TGIF1: variants seen among roughly 807,000 people sequenced by gnomAD.
The protein encoded by TGIF1 is TGFB induced factor homeobox 1.
Under a neutral mutation model 19.3 loss-of-function variants are expected in TGIF1, and 4 were observed. That is an observed-to-expected ratio of 0.21 (90% CI 0.10 to 0.47). The LOEUF (loss-of-function observed/expected upper bound fraction) is 0.47. Among genes scored for constraint, TGIF1 ranks in the 20% least tolerant of loss-of-function variants. The probability of loss-of-function intolerance (pLI) is 0.98; values close to 1 mark genes in which losing one functional copy is unlikely to be tolerated. For synonymous variants in TGIF1, 122 were observed against 129.3 expected, an observed-to-expected ratio of 0.94 and a Z score of 0.38; for missense variants, 275 against 341.4, an observed-to-expected ratio of 0.81 and a Z score of 1.53.
In TGIF1 at chr18:3,457,573, C is replaced by T. The variant is rs1241114721; in HGVS notation, c.452C>T (p.Thr151Ile). 5.0e-6 allele frequency: 8 copies of T among 1,614,028 alleles called. No individual in the cohort carries two copies. Among genetic ancestry groups the T allele is most frequent in the Non-Finnish European group, 6.8e-6 (8 of 1,180,024 alleles). ...TCCTGTACAGCTGGGCCAAACCCAA[C>T]CCTAGGGAGGCCACTGTCTCCTAAG... The part of the protein sequence containing the change: ...FHSCTAGPNP[T>I]LGRPLSPKPS... Residue 151 changes from threonine to isoleucine, a missense_variant, in exon 3 of 3, where the codon ACC becomes ATC. Coordinates refer to ENST00000343820, the MANE Select transcript of TGIF1 (RefSeq NM_003244.4). The surrounding 1 kb of genome is among the most constrained non-coding windows in gnomAD (Gnocchi z 4.9).
In TGIF1 at chr18:3,456,595, C is replaced by T. The variant is rs201134214; in HGVS notation, c.243+15C>T. The T allele has an allele frequency of 1.4e-5, 23 of 1,611,422 alleles. No individual in the cohort carries two copies. The African/African-American group carries it at 2.1e-4, about 15-fold the overall frequency. ...CTACGCTACAGGTAAAGAAAGAGAG[C>T]GTGAGGTTTATGGATGCATTTTTAG... On this transcript the variant is annotated intron_variant, in intron 2 of 2. Transcript: ENST00000343820. The surrounding 1 kb of genome is among the most constrained non-coding windows in gnomAD (Gnocchi z 4.2).
chr18:3,438,905 T>C (rs1243231039), intron 2 of TGIF1, among the ~76,000 whole-genome samples: 1 of 152,090 alleles, frequency 6.6e-6, no homozygotes, highest in Non-Finnish European at 1.5e-5. Flanking sequence ...AAAAATAAAA[T>C]GGAATTGTTC....
upstream of TGIF1, chr18:3,449,891 G>A: frequency 1.0e-6 from 1 of 985,746 alleles, no homozygotes; most frequent in Non-Finnish European, 1.2e-6. Context: ...AGGCCCAAGG[G>A]AGAAACCTGG....
In TGIF1 at chr18:3,456,015, A is replaced by C; in HGVS notation, c.17-339A>C. On this transcript the variant is annotated intron_variant, in intron 1 of 2. Transcript: ENST00000343820. This position sits in a 1 kb window ranked among gnomAD's most constrained non-coding sequence, Gnocchi z 4.2. ...ACTGCCACAGCACCCTTCCTGTTTCAAATGTGGCAGGTTATTCATTTTGGG... is the reference window on the plus strand; with the variant it reads ...ACTGCCACAGCACCCTTCCTGTTTCCAATGTGGCAGGTTATTCATTTTGGG... 1 of 379,248 alleles carries C rather than the reference A, an allele frequency of 2.6e-6. No homozygotes were observed. 23.5% of individuals were successfully genotyped at this position (379,248 alleles called of 1,614,324 possible). A position where few individuals can be genotyped will look rare whatever the true frequency, so the allele number is the denominator to read the frequency against.
rs1372906991 is a variant in TGIF1 at position 3,456,978 on chromosome 18, A to T, written c.244-387A>T. 7.1e-6 allele frequency: 4 copies of T among 566,690 alleles called. No homozygotes were observed. The highest frequency in any genetic ancestry group is 3.8e-5 in the African/African-American group (2 of 53,320). The allele number at this position is 566,690 out of a possible 1,614,324, so 35.1% of individuals were successfully genotyped here. ...TACTGGGAGGAGTGGCCCTTTTCAT[A>T]AGGAGAGGTTTTCCTGTAGTTGATT... is the stretch of plus-strand genomic sequence containing the variant. On this transcript the variant is annotated intron_variant, in intron 2 of 2. Transcript: ENST00000343820. The surrounding 1 kb of genome is among the most constrained non-coding windows in gnomAD (Gnocchi z 4.2).
chr18:3,447,373 A>G (rs2082762034), upstream of TGIF1, among the ~76,000 whole-genome samples: 1 of 152,108 alleles, frequency 6.6e-6, no homozygotes, highest in African/African-American at 2.4e-5. Context: ...AAGAATCTTA[A>G]AAGTCATTGA....
At chr18:3,423,257 A>G (rs2082429056) in intron 2 of TGIF1, among the ~76,000 whole-genome samples, 1 of 152,136 alleles carries the variant, frequency 6.6e-6, no homozygotes, top group African/African-American at 2.4e-5. Context: ...TATTGAAAAA[A>G]TAGGCATGGC....
intron 1 of TGIF1, chr18:3,452,254 G>T (rs1194686640): frequency 6.2e-7 from 1 of 1,609,388 alleles, no homozygotes; most frequent in Non-Finnish European, 8.5e-7. Context: ...CCACAGCCGC[G>T]TGCCCTCTCC....
chr18:3,452,480 C>T (rs1277725696), intron 1 of TGIF1: 11 of 1,564,024 alleles, frequency 7.0e-6, no homozygotes, highest in Non-Finnish European at 5.2e-6. Context: ...TTTTAGGTTT[C>T]CCTGGCGAGT....
chr18:3,447,875 C>T (rs2143272813), upstream of TGIF1: 1 of 1,577,382 alleles, frequency 6.3e-7, no homozygotes. Context: ...CCCCCTTCTC[C>T]TGGAAAGTTT....
chr18:3,423,503 C>T (rs1344347372), intron 2 of TGIF1, among the ~76,000 whole-genome samples: 1 of 152,016 alleles, frequency 6.6e-6, no homozygotes, highest in Admixed American at 6.6e-5. Context: ...CACGGCGAAA[C>T]CCCGTCTCTA....
At chr18:3,445,632 G>T (rs1457125364), upstream of TGIF1, among the ~76,000 whole-genome samples, 10 of 145,464 alleles carry the variant, frequency 6.9e-5, no homozygotes, top group African/African-American at 2.3e-4. Flanking sequence ...GCTGAGGCAG[G>T]AGAATGGCGT....
chr18:3,447,256 A>G (rs368876212), upstream of TGIF1, among the ~76,000 whole-genome samples: 113 of 152,110 alleles, frequency 7.4e-4, no homozygotes, highest in African/African-American at 2.3e-3. Flanking sequence ...CAACGCCTCA[A>G]TTTTACTCAA....
intron 1 of TGIF1, chr18:3,415,342 A>T (rs939099044): frequency 1.1e-5 from 4 of 357,666 alleles, no homozygotes; most frequent in East Asian, 7.4e-5. Flanking sequence ...GAATCTTATG[A>T]TGCGCAAAAG....
At chr18:3,446,450 G>A (rs886496528), upstream of TGIF1, among the ~76,000 whole-genome samples, 1 of 152,144 alleles carries the variant, frequency 6.6e-6, no homozygotes, top group African/African-American at 2.4e-5. Flanking sequence ...TCCCAAAGTG[G>A]TGGGATTACA....
intron 1 of TGIF1, chr18:3,453,772 TC>T: frequency 1.0e-6 from 1 of 983,762 alleles, no homozygotes. Context: ...TGTGGCTTTC[TC>T]CACAACATTT....
chr18:3,457,738 A>G lies in TGIF1; in HGVS notation c.617A>G (p.Lys206Arg). The stretch of plus-strand genomic sequence containing the variant: ...ACAGATATACAGCAGATAGCGGCCA[A>G]AAACTTCACAGACACCTCTCTCATG... Reference protein sequence around the residue: ...QNTDIQQIAAKNFTDTSLMYP... With the variant: ...QNTDIQQIAARNFTDTSLMYP... The change falls in exon 3 of 3, where the codon AAA (lysine) becomes AGA (arginine). Residue 206 changes from lysine (K) to arginine (R), a missense_variant. Physicochemically the swap from Lys to Arg is conservative, Grantham distance 26 (BLOSUM62 2). Coordinates refer to ENST00000343820, the MANE Select transcript of TGIF1 (RefSeq NM_003244.4). The surrounding 1 kb of genome is among the most constrained non-coding windows in gnomAD (Gnocchi z 4.9). The G allele has an allele frequency of 6.2e-7, 1 of 1,614,212 alleles. No homozygotes were observed. Among genetic ancestry groups the G allele is most frequent in the Non-Finnish European group, 8.5e-7 (1 of 1,180,036 alleles).
upstream of TGIF1, among the ~76,000 whole-genome samples, chr18:3,445,765 CAAAA>C (rs755240649): frequency 4.7e-3 from 167 of 35,844 alleles, 2 homozygotes; most frequent in African/African-American, 0.022. Context: ...AGAAGAAAAG[CAAAA>C]AAAAAAAAAA....
upstream of TGIF1, chr18:3,449,507 A>T: frequency 1.0e-6 from 1 of 985,514 alleles, no homozygotes; most frequent in Non-Finnish European, 1.2e-6. Flanking sequence ...GCCCGGGGGA[A>T]CAGACGTTCG....
Sources: gnomAD v4.1 joint callset for allele counts (sites outside exome capture counted in the v4.1 genomes callset) on GRCh38, gnomAD v4.1.1 for gene constraint, Gnocchi (gnomAD v3.1) non-coding constraint, MANE v1.5 for transcripts, NCBI Gene and HGNC (gene_info 2026-07-23, HGNC 2026-07-21) for gene names.